PPWD1: variants seen among roughly 807,000 people sequenced by gnomAD.
PPWD1 encodes peptidylprolyl isomerase domain and WD repeat containing 1.
Under a neutral mutation model 68.8 loss-of-function variants are expected in PPWD1, and 43 were observed. That is an observed-to-expected ratio of 0.62 (90% CI 0.49 to 0.81). The LOEUF is 0.81. PPWD1 is among the 30% of genes least tolerant of loss of function. The pLI is 0.00. For synonymous variants in PPWD1, 232 were observed against 258.7 expected, an observed-to-expected ratio of 0.90 and a Z score of 0.99; for missense variants, 672 against 804.8, an observed-to-expected ratio of 0.83 and a Z score of 2.00.
At chr5:65,569,526 A>T in intron 2 of PPWD1, 106 bp from the exon 3 acceptor site, 1 of 1,287,694 alleles carries the variant, frequency 7.8e-7, no homozygotes, top group Non-Finnish European at 1.0e-6. Context: ...TTTAAAAAAA[A>T]ACCTATTATG....
At chr5:65,575,353 T>A (rs971481952) in intron 5 of PPWD1, among the ~76,000 whole-genome samples, 1 of 152,222 alleles carries the variant, frequency 6.6e-6, no homozygotes, top group Non-Finnish European at 1.5e-5. Flanking sequence ...CAGCGTAATA[T>A]GTATCAGTCT....
chr5:65,565,889 A>G (rs1306709210), intron 1 of PPWD1, among the ~76,000 whole-genome samples: 1 of 152,182 alleles, frequency 6.6e-6, no homozygotes, highest in African/African-American at 2.4e-5. Flanking sequence ...AGAATGTTAC[A>G]AAAATATTTA....
chr5:65,583,344 A>G (rs1753683947), intron 8 of PPWD1, 125 bp downstream of exon 8: 54 of 1,104,178 alleles, frequency 4.9e-5, no homozygotes, highest in Non-Finnish European at 6.4e-5. Flanking sequence ...AACGTTTGAT[A>G]AAAAACATCT....
chr5:65,576,739 TAAG>T (rs1753304358), intron 5 of PPWD1, 137 bp from the exon 6 acceptor site: 1 of 1,364,462 alleles, frequency 7.3e-7, no homozygotes, highest in African/African-American at 1.5e-5. Flanking sequence ...GAATCCCTCT[TAAG>T]AAGTACAAAC....
intron 5 of PPWD1, among the ~76,000 whole-genome samples, chr5:65,575,905 A>C (rs1221100558): frequency 2.0e-5 from 3 of 152,234 alleles, no homozygotes; most frequent in Non-Finnish European, 4.4e-5. Flanking sequence ...TTCATTCAGC[A>C]AAAATTGAGT....
intron 2 of PPWD1, 158 bp from the exon 3 acceptor site, chr5:65,569,474 C>A (rs1401953666): frequency 8.5e-6 from 6 of 709,322 alleles, no homozygotes; most frequent in Non-Finnish European, 1.2e-5. Context: ...TCAAAATTTG[C>A]AGTGTTCTGT....
chr5:65,569,748 C>A lies in PPWD1; in HGVS notation c.400+16C>A. On this transcript the variant is annotated intron_variant, in intron 3 of 10. Coordinates refer to ENST00000261308, the MANE Select transcript of PPWD1 (RefSeq NM_015342.4). ...AGTCACCTGGGTAAGAATTGCACCT[C>A]ATTTTCTTGTAGCTCTTTCCTAAAC... 6.2e-7 allele frequency: 1 copy of A among 1,600,906 alleles called. No individual in the cohort carries two copies. Among genetic ancestry groups the A allele is most frequent in the South Asian group, 1.1e-5 (1 of 88,116 alleles).
At chr5:65,563,637 C>A in intron 1 of PPWD1, 131 bp downstream of exon 1, 1 of 1,347,070 alleles carries the variant, frequency 7.4e-7, no homozygotes, top group Non-Finnish European at 1.0e-6. Context: ...CCTCTCACTT[C>A]TGGCTACTCC....
At chr5:65,576,249 T>C (rs1378648441) in intron 5 of PPWD1, 12 of 872,838 alleles carry the variant, frequency 1.4e-5, no homozygotes, top group Non-Finnish European at 1.4e-5. Flanking sequence ...TTATATTTCA[T>C]TGGAAAGTGC....
chr5:65,585,106 TA>T lies in PPWD1; in HGVS notation c.1614+14del. On this transcript the variant is annotated intron_variant, in intron 9 of 10. Transcript: ENST00000261308. ...CACCGTATAATTAAGGTAAGTTACATAAATTTCATGTCATATAAGAAATACT... is the reference window on the plus strand; with the variant it reads ...CACCGTATAATTAAGGTAAGTTACATAATTTCATGTCATATAAGAAATACT... 6.3e-7 allele frequency: 1 copy of T among 1,593,962 alleles called. No homozygotes were observed. Among genetic ancestry groups the T allele is most frequent in the Non-Finnish European group, 8.6e-7 (1 of 1,163,026 alleles).
At chr5:65,573,554 A>T (rs1309794) in intron 5 of PPWD1, among the ~76,000 whole-genome samples, 32,049 of 37,516 alleles carry the variant, frequency 0.85, 13,397 homozygotes, top group Middle Eastern at 0.92. Context: ...TTTTTTTTTT[A>T]AGTACAGACG....
chr5:65,581,477 G>A (rs1471039127), intron 7 of PPWD1, among the ~76,000 whole-genome samples: 1 of 152,142 alleles, frequency 6.6e-6, no homozygotes, highest in East Asian at 1.9e-4. Context: ...TCTCAGCCAT[G>A]CTGGAAGCTG....
intron 2 of PPWD1, 35 bp from the exon 3 acceptor site, chr5:65,569,597 C>G: frequency 1.3e-6 from 2 of 1,535,788 alleles, no homozygotes; most frequent in Non-Finnish European, 1.8e-6. Context: ...ATAGATCTGT[C>G]TTAGAAATTA....
At chr5:65,577,198 C>G (rs763093048) in intron 6 of PPWD1, 129 bp downstream of exon 6, 37 of 1,362,464 alleles carry the variant, frequency 2.7e-5, no homozygotes, top group Non-Finnish European at 6.7e-6. Flanking sequence ...TAAACTTAAC[C>G]AAATGTTTTG....
intron 5 of PPWD1, among the ~76,000 whole-genome samples, chr5:65,573,533 TTTTTTTTTTTTTTTTTTTTTAA>T (rs1561725863): frequency 4.4e-5 from 2 of 45,168 alleles, no homozygotes; most frequent in African/African-American, 9.3e-5. Flanking sequence ...TTTTTTTTTT[TTTTTTTTTTTTTTTTTTTTTAA>T]GTACAGACGG....
chr5:65,580,942 C>T (rs981025368), intron 7 of PPWD1, among the ~76,000 whole-genome samples: 3 of 152,184 alleles, frequency 2.0e-5, no homozygotes, highest in Non-Finnish European at 4.4e-5. Flanking sequence ...GCCTCTGACG[C>T]TGTGCTCTTC....
chr5:65,580,734 G>A (rs868109152), intron 7 of PPWD1, among the ~76,000 whole-genome samples: 4 of 152,018 alleles, frequency 2.6e-5, no homozygotes, highest in Non-Finnish European at 5.9e-5. Flanking sequence ...GGCTGGTCTC[G>A]AACTCTTGAC....
intron 1 of PPWD1, among the ~76,000 whole-genome samples, chr5:65,565,327 GA>G (rs1205145535): frequency 6.6e-6 from 1 of 152,148 alleles, no homozygotes; most frequent in Non-Finnish European, 1.5e-5. Flanking sequence ...TGTTGCATAT[GA>G]ATATTTTTGC....
At chr5:65,566,219 G>A (rs1281873884) in intron 1 of PPWD1, among the ~76,000 whole-genome samples, 1 of 152,222 alleles carries the variant, frequency 6.6e-6, no homozygotes, top group African/African-American at 2.4e-5. Flanking sequence ...AGATAGAGCT[G>A]TACTTTTATG....
Sources: gnomAD v4.1 joint callset for allele counts (sites outside exome capture counted in the v4.1 genomes callset) on GRCh38, gnomAD v4.1.1 for gene constraint, MANE v1.5 for transcripts, NCBI Gene and HGNC (gene_info 2026-07-23, HGNC 2026-07-21) for gene names.